Variants in LYST observed in about 807,000 individuals in gnomAD.
LYST encodes the protein lysosomal-trafficking regulator.
In LYST, 192 loss-of-function variants were observed where a neutral mutation model predicts 413.6. That is an observed-to-expected ratio of 0.46 (90% CI 0.41 to 0.52). The LOEUF (loss-of-function observed/expected upper bound fraction) is 0.52. Ranked by LOEUF, LYST falls within the 20% of genes least tolerant of loss-of-function variation. The probability of loss-of-function intolerance (pLI) is 0.00; values close to 1 mark genes in which losing one functional copy is unlikely to be tolerated. For synonymous variants in LYST, 1,525 were observed against 1,567.3 expected (o/e 0.97, Z 0.64); for missense variants, 3,815 against 4,499.9 (o/e 0.85, Z 4.35).
In LYST at chr1:235,759,549, G is replaced by A. The variant is rs1164812258; in HGVS notation, c.6304C>T (p.Arg2102Cys). Residue 2102 changes from arginine (R) to cysteine (C), a missense_variant, in exon 23 of 53, where the codon CGT becomes TGT. By Grantham distance (180) the Arg-to-Cys change is radical (BLOSUM62 -3). This residue lies in a region of LYST where 530 missense variants were observed against 696.5 expected (regional missense o/e 0.76). Transcript: ENST00000389793. ...GGGAATGCTGGTAGGCTTCTAGAAC[G>A]CAGCATATGGGCGGCCATCTGTTGT... ...IPQQMAAHML[R>C]SRSLPAFPTS... is the part of the protein sequence containing the mutation. 7 of 1,613,276 alleles carry A rather than the reference G, an allele frequency of 4.3e-6. No homozygotes were observed. The highest frequency in any genetic ancestry group is 2.2e-5 in the East Asian group (1 of 44,884).
At chr1:235,773,103 G>C (rs1008920338) in intron 19 of LYST, among the ~76,000 whole-genome samples, 3 of 152,090 alleles carry the variant, frequency 2.0e-5, no homozygotes, top group Non-Finnish European at 4.4e-5. Context: ...GATCACTTGA[G>C]CTCAGGAGTT....
At position 235,697,102 on chromosome 1, in the gene LYST, C is replaced by A. The variant is rs2103085609; in HGVS notation, c.10545G>T (p.Met3515Ile). Residue 3515 changes from methionine to isoleucine, a missense_variant, in exon 46 of 53, where the codon ATG becomes ATT. This residue lies in a region of LYST where 866 missense variants were observed against 1,156.0 expected (regional missense o/e 0.75). Coordinates refer to ENST00000389793, the MANE Select transcript of LYST (RefSeq NM_000081.4). ...CGLSRNFCLL[M>I]TYSKEQGVRS... ...TTTTACCTTGTTCCTTGCTATATGT[C>A]ATCAGAAGACAGAAATTCCGTGACA... 6.2e-7 allele frequency: 1 copy of A among 1,614,046 alleles called. No individual in the cohort carries two copies. The highest frequency in any genetic ancestry group is 1.1e-5 in the South Asian group (1 of 91,064).
At chr1:235,740,328 T>C (rs756209243) in intron 31 of LYST, among the ~76,000 whole-genome samples, 4 of 152,166 alleles carry the variant, frequency 2.6e-5, no homozygotes, top group Middle Eastern at 3.2e-3. Flanking sequence ...GTTTTGACAA[T>C]TGCATACATC....
chr1:235,807,114 C>T (rs528811863), intron 5 of LYST, among the ~76,000 whole-genome samples: 2 of 152,294 alleles, frequency 1.3e-5, no homozygotes, highest in East Asian at 1.9e-4. Flanking sequence ...ACAGCCACCA[C>T]CACACCTGAG....
intron 1 of LYST, among the ~76,000 whole-genome samples, chr1:235,881,007 T>A (rs1280103766): frequency 6.6e-6 from 1 of 152,050 alleles, no homozygotes; most frequent in East Asian, 1.9e-4. Flanking sequence ...GTGCATGTAA[T>A]CCCAGCTACT....
intron 47 of LYST, among the ~76,000 whole-genome samples, chr1:235,692,414 C>T (rs2103072708): frequency 6.6e-6 from 1 of 151,832 alleles, no homozygotes; most frequent in East Asian, 2.0e-4. Context: ...GAGTCTCGCT[C>T]TTGTCACCCA....
intron 21 of LYST, among the ~76,000 whole-genome samples, chr1:235,765,828 T>C (rs1668085112): frequency 6.6e-6 from 1 of 151,818 alleles, no homozygotes; most frequent in Non-Finnish European, 1.5e-5. Flanking sequence ...TCTTTGATAC[T>C]TACCAAATAC....
At chr1:235,724,540 T>G (rs1190009441) in intron 38 of LYST, among the ~76,000 whole-genome samples, 1 of 152,168 alleles carries the variant, frequency 6.6e-6, no homozygotes, top group Non-Finnish European at 1.5e-5. Context: ...ATTGCTACAA[T>G]TTTTCTTACC....
Position 235,746,511 on chromosome 1 carries a change from G to T in LYST, c.7797C>A (p.Pro2599=), listed in dbSNP as rs141827492. The T allele has an allele frequency of 4.5e-5, 73 of 1,613,120 alleles. No homozygotes were observed. In the Middle Eastern group the frequency reaches 4.9e-4, roughly 11 times the overall value. Residue 2599 remains proline, a synonymous_variant, in exon 29 of 53, where the codon CCC becomes CCA. Coordinates refer to ENST00000389793, the MANE Select transcript of LYST (RefSeq NM_000081.4). ...TCAGAAGCGATTCAGTTTGAGCAAG[G>T]GGAAATTTTCGAGGACCTTTAAAAG... ...RKSIAGPRKF[P]LAQTESLLMK...
chr1:235,818,629 T>C (rs1232709799), intron 3 of LYST, among the ~76,000 whole-genome samples: 1 of 151,708 alleles, frequency 6.6e-6, no homozygotes, highest in East Asian at 1.9e-4. Context: ...AAAATGTACA[T>C]GGTCTTTTAA....
intron 5 of LYST, among the ~76,000 whole-genome samples, chr1:235,807,636 T>C (rs1673013093): frequency 1.3e-5 from 2 of 152,168 alleles, no homozygotes; most frequent in Non-Finnish European, 2.9e-5. Context: ...GTTATTTTTG[T>C]ATAAGTTTCT....
intron 45 of LYST, among the ~76,000 whole-genome samples, chr1:235,699,166 G>A (rs1261020462): frequency 6.6e-6 from 1 of 151,966 alleles, no homozygotes; most frequent in Non-Finnish European, 1.5e-5. Flanking sequence ...ATAGGTATAC[G>A]TGTGCCATGG....
rs182113345 is a variant in LYST, at chr1:235,745,049, T to C, written c.7973-892A>G. The stretch of plus-strand genomic sequence containing the variant: ...ACCTGAACATTTTTTTAGAATTCCA[T>C]TTTGACTTATCTATAGTGTTTTTTA... On this transcript the variant is annotated intron_variant, in intron 29 of 52. Transcript: ENST00000389793. Among the ~76,000 whole-genome samples, 326 of 152,304 alleles carry C rather than the reference T, an allele frequency of 2.1e-3. 2 individuals carry two copies. The highest frequency in any genetic ancestry group is 7.5e-3 in the African/African-American group (312 of 41,570).
chr1:235,763,324 G>A (rs781497971), intron 21 of LYST, among the ~76,000 whole-genome samples: 4 of 152,026 alleles, frequency 2.6e-5, no homozygotes, highest in African/African-American at 7.2e-5. Flanking sequence ...ATCTAAATCC[G>A]AATCATCTTT....
chr1:235,793,770 A>G (rs530756849), intron 10 of LYST, among the ~76,000 whole-genome samples, 158 bp from the exon 11 acceptor site: 1 of 152,306 alleles, frequency 6.6e-6, no homozygotes, highest in Non-Finnish European at 1.5e-5. Context: ...AAATAGCAAT[A>G]TAACTAAATG....
intron 48 of LYST, among the ~76,000 whole-genome samples, chr1:235,682,596 T>C (rs1012616438): frequency 6.6e-6 from 1 of 152,220 alleles, no homozygotes; most frequent in Non-Finnish European, 1.5e-5. Flanking sequence ...TCCTCACATC[T>C]GTTTTATGCT....
intron 1 of LYST, among the ~76,000 whole-genome samples, chr1:235,879,011 AAC>A (rs927209795): frequency 6.6e-5 from 10 of 152,162 alleles, no homozygotes; most frequent in African/African-American, 2.4e-4. Flanking sequence ...CCCAACAGGT[AAC>A]ACATTTTTTA....
At chr1:235,829,223 A>G (rs532992609) in intron 3 of LYST, among the ~76,000 whole-genome samples, 3 of 152,324 alleles carry the variant, frequency 2.0e-5, no homozygotes, top group Admixed American at 1.3e-4. Flanking sequence ...CCATAAACCT[A>G]CAAATGTCCT....
At chr1:235,870,897 T>A (rs1680894636), upstream of LYST, among the ~76,000 whole-genome samples, 1 of 152,244 alleles carries the variant, frequency 6.6e-6, no homozygotes, top group Non-Finnish European at 1.5e-5. Flanking sequence ...ACAATCTTAA[T>A]GCCTACTGCA....
Sources: gnomAD v4.1 joint callset for allele counts (sites outside exome capture counted in the v4.1 genomes callset) on GRCh38, gnomAD v4.1.1 for gene constraint, gnomAD v4.1.1 regional missense constraint, MANE v1.5 for transcripts, NCBI Gene and HGNC (gene_info 2026-07-23, HGNC 2026-07-21) for gene names.